ZNF267: variants seen among roughly 807,000 people sequenced by gnomAD.
ZNF267 encodes zinc finger (C2H2).
In ZNF267, 61 loss-of-function variants were observed where a neutral mutation model predicts 71.6. The ratio of observed to expected loss-of-function variants is 0.85; its 90% confidence interval spans 0.69 to 1.05. The LOEUF (loss-of-function observed/expected upper bound fraction) is 1.05, where lower values mean the gene tolerates loss of function less well. ZNF267 is among the 50% of genes least tolerant of loss of function. ZNF267 has a pLI of 0.00. For synonymous variants in ZNF267, 288 were observed against 293.2 expected (o/e 0.98, Z 0.18); for missense variants, 852 against 870.0 (o/e 0.98, Z 0.26).
intron 3 of ZNF267, among the ~76,000 whole-genome samples, chr16:31,886,713 T>C (rs2142336424): frequency 6.6e-6 from 1 of 152,322 alleles, no homozygotes; most frequent in South Asian, 2.1e-4. Context: ...AAGTTTGTAC[T>C]TGTTACCATA....
chr16:31,911,141 ATG>A (rs1484395761), intron 3 of ZNF267, among the ~76,000 whole-genome samples: 2 of 151,744 alleles, frequency 1.3e-5, no homozygotes, highest in East Asian at 3.9e-4. Context: ...GCTGAGAAGA[ATG>A]TGTGTTCTGT....
chr16:31,886,561 A>G (rs2083925949), intron 3 of ZNF267, among the ~76,000 whole-genome samples: 1 of 152,032 alleles, frequency 6.6e-6, no homozygotes, highest in Non-Finnish European at 1.5e-5. Flanking sequence ...ACCACCCCCG[A>G]CTCGACCTCC....
chr16:31,904,779 G>A lies in ZNF267; in HGVS notation c.227-9697G>A, dbSNP rs368585296. Among the ~76,000 whole-genome samples the A allele has an allele frequency of 2.2e-4, 34 of 152,174 alleles. 1 individual carries two copies. Among genetic ancestry groups the A allele is most frequent in the Admixed American group, 6.5e-4 (10 of 15,292 alleles). ...GTCTTTTAATTGGAGCATTTAGCCC[G>A]TTTACATTTAAGGTTAATATTCTTA... On this transcript the variant is annotated intron_variant, in intron 3 of 3. Coordinates refer to ENST00000300870, the MANE Select transcript of ZNF267 (RefSeq NM_003414.6).
chr16:31,913,201 C>G (rs1345112424), intron 3 of ZNF267: 1 of 152,164 alleles, frequency 6.6e-6, no homozygotes, highest in African/African-American at 2.4e-5. Flanking sequence ...GTTGTTCTTG[C>G]AGACTCATAG....
Position 31,914,952 on chromosome 16 carries a change from C to T in ZNF267, c.703C>T (p.Gln235Ter). 6.2e-7 allele frequency: 1 copy of T among 1,609,274 alleles called. No individual in the cohort carries two copies. The highest frequency in any genetic ancestry group is 8.5e-7 in the Non-Finnish European group (1 of 1,178,640). ...LNQSSSPKNH[Q>*]ENYFLEKQYK... is the part of the protein sequence containing the mutation. ...CCAAAGCTCAAGCCCTAAAAATCATCAGGAAAATTATTTTCTAGAAAAACA... is the reference window on the plus strand; with the variant it reads ...CCAAAGCTCAAGCCCTAAAAATCATTAGGAAAATTATTTTCTAGAAAAACA... The change falls in exon 4 of 4, where the codon CAG becomes TAG. Residue 235 changes from glutamine (Q) to a stop codon, truncating the protein, a stop_gained. Coordinates refer to ENST00000300870, the MANE Select transcript of ZNF267 (RefSeq NM_003414.6). LOFTEE classifies it high-confidence loss of function.
At chr16:31,909,452 A>T (rs1352427666) in intron 3 of ZNF267, among the ~76,000 whole-genome samples, 1 of 151,874 alleles carries the variant, frequency 6.6e-6, no homozygotes, top group African/African-American at 2.4e-5. Flanking sequence ...AATGTCTTTC[A>T]TTCATGTTTT....
At position 31,915,445 on chromosome 16, in the gene ZNF267, A is replaced by G; in HGVS notation, c.1196A>G (p.Gln399Arg). Residue 399 changes from glutamine (Q) to arginine (R), a missense_variant, in exon 4 of 4, where the codon CAG becomes CGG. Gln to Arg is a conservative substitution (Grantham distance 43). Transcript: ENST00000300870. ...FTRSSNLIVHQRIHTGEKPYK... is the reference protein window; with the variant it reads ...FTRSSNLIVHRRIHTGEKPYK... ...CGTTCCTCCAATCTTATTGTGCATC[A>G]GAGAATTCACACTGGAGAGAAACCA... 2.5e-6 allele frequency: 4 copies of G among 1,613,984 alleles called. No individual in the cohort carries two copies. The highest frequency in any genetic ancestry group is 3.4e-6 in the Non-Finnish European group (4 of 1,179,934).
At chr16:31,882,543 A>G (rs2083897699) in intron 1 of ZNF267, among the ~76,000 whole-genome samples, 1 of 152,206 alleles carries the variant, frequency 6.6e-6, no homozygotes, top group Non-Finnish European at 1.5e-5. Context: ...GAGGGGGCCC[A>G]GAATACCAAA....
At chr16:31,906,439 C>T (rs565736939) in intron 3 of ZNF267, among the ~76,000 whole-genome samples, 16 of 152,304 alleles carry the variant, frequency 1.1e-4, no homozygotes, top group South Asian at 4.1e-4. Context: ...TTGGAGCTTC[C>T]GGACCGCTTT....
chr16:31,901,159 C>T (rs1335497789), intron 3 of ZNF267, among the ~76,000 whole-genome samples: 1 of 152,024 alleles, frequency 6.6e-6, no homozygotes, highest in Non-Finnish European at 1.5e-5. Flanking sequence ...CATAGTATTC[C>T]ATGGTGTATA....
intron 3 of ZNF267, chr16:31,913,014 C>T (rs1361393572): frequency 6.6e-6 from 1 of 152,212 alleles, no homozygotes; most frequent in East Asian, 1.9e-4. Flanking sequence ...ATGCCTTATT[C>T]AGTTTGTTAG....
Position 31,915,915 on chromosome 16 carries a change from G to A in ZNF267, c.1666G>A (p.Ala556Thr). ...CTATAAATGTAAAGAATGTGGCAAA[G>A]CCTTTCCTTATAGTTCACACCTTAT... ...KPYKCKECGK[A>T]FPYSSHLIRH... Residue 556 changes from alanine (A) to threonine (T), a missense_variant, in exon 4 of 4, where the codon GCC (alanine) becomes ACC (threonine). Coordinates refer to ENST00000300870, the MANE Select transcript of ZNF267 (RefSeq NM_003414.6). The A allele has an allele frequency of 1.2e-6, 2 of 1,613,890 alleles. No homozygotes were observed. Among genetic ancestry groups the A allele is most frequent in the Non-Finnish European group, 1.7e-6 (2 of 1,179,998 alleles).
intron 3 of ZNF267, among the ~76,000 whole-genome samples, chr16:31,896,998 CATTGCTAGGT>C (rs2084004238): frequency 6.6e-6 from 1 of 151,798 alleles, no homozygotes; most frequent in Non-Finnish European, 1.5e-5. Flanking sequence ...TAGTTACGTT[CATTGCTAGGT>C]ATCTTAATTT....
chr16:31,899,791 C>T (rs2142348901), intron 3 of ZNF267, among the ~76,000 whole-genome samples: 1 of 152,200 alleles, frequency 6.6e-6, no homozygotes, highest in African/African-American at 2.4e-5. Context: ...CATAATGCCA[C>T]TCAATATTTT....
intron 1 of ZNF267, chr16:31,875,432 C>A: frequency 1.2e-6 from 1 of 840,640 alleles, no homozygotes; most frequent in Non-Finnish European, 1.6e-6. Flanking sequence ...AGCTAGTTTT[C>A]ATCCCTTGGA....
At chr16:31,901,912 G>A (rs561029412) in intron 3 of ZNF267, among the ~76,000 whole-genome samples, 2 of 152,104 alleles carry the variant, frequency 1.3e-5, no homozygotes, top group Non-Finnish European at 2.9e-5. Flanking sequence ...TTCTTCTAGG[G>A]TTCTTAAGTT....
chr16:31,909,191 A>G (rs1485471188), intron 3 of ZNF267, among the ~76,000 whole-genome samples: 1 of 126,450 alleles, frequency 7.9e-6, no homozygotes. Flanking sequence ...CAGTAGCACG[A>G]TCTCGGCTCG....
chr16:31,882,024 A>G (rs190526628), intron 1 of ZNF267, among the ~76,000 whole-genome samples: 2 of 152,252 alleles, frequency 1.3e-5, no homozygotes, highest in African/African-American at 2.4e-5. Context: ...CCATCTGTCT[A>G]TAGTTAGCTT....
Position 31,900,907 on chromosome 16 carries a change from G to A in ZNF267, c.227-13569G>A, listed in dbSNP as rs545530347. ...GTTGGTGTGCTGCACCCATTAACTC[G>A]TCATTTAGCATTAGGTATATCTTCT... On this transcript the variant is annotated intron_variant, in intron 3 of 3. Transcript: ENST00000300870. Among the ~76,000 whole-genome samples the A allele has an allele frequency of 3.0e-4, 46 of 151,628 alleles. 2 individuals are homozygous for A. Among genetic ancestry groups the A allele is most frequent in the South Asian group, 1.0e-3 (5 of 4,806 alleles).
Sources: gnomAD v4.1 joint callset for allele counts (sites outside exome capture counted in the v4.1 genomes callset) on GRCh38, gnomAD v4.1.1 for gene constraint, MANE v1.5 for transcripts, NCBI Gene and HGNC (gene_info 2026-07-23, HGNC 2026-07-21) for gene names.